Variants in HTR1F observed in about 807,000 individuals in gnomAD.
The protein encoded by HTR1F is 5-hydroxytryptamine receptor 1F, also known as 5-hydroxytryptamine (serotonin) receptor 1F, G protein-coupled.
In HTR1F, 17 loss-of-function variants were observed where a neutral mutation model predicts 24.0. The observed-to-expected ratio is 0.71, with a 90% CI of 0.48 to 1.06. HTR1F has a LOEUF of 1.06. HTR1F is among the 50% of genes least tolerant of loss of function. The pLI, the probability that HTR1F is intolerant of heterozygous loss-of-function variation, is 0.00. For synonymous variants in HTR1F, 186 were observed against 156.8 expected (o/e 1.19, Z -1.39); for missense variants, 391 against 427.8 (o/e 0.91, Z 0.76).
intron 2 of HTR1F, among the ~76,000 whole-genome samples, chr3:87,944,145 T>C (rs1704639403): frequency 1.3e-5 from 2 of 152,202 alleles, no homozygotes. Context: ...TCTGGGCTGC[T>C]GGATTCTAGT....
intron 2 of HTR1F, among the ~76,000 whole-genome samples, chr3:87,934,305 C>A (rs569021453): frequency 6.6e-6 from 1 of 152,296 alleles, no homozygotes; most frequent in East Asian, 1.9e-4. Context: ...TTGTAGCATA[C>A]ACTGTTGGTG....
At chr3:87,927,407 A>G (rs1365790573) in intron 2 of HTR1F, among the ~76,000 whole-genome samples, 2 of 152,180 alleles carry the variant, frequency 1.3e-5, no homozygotes, top group Non-Finnish European at 1.5e-5. Flanking sequence ...TCAGCAGTCC[A>G]TATTTTGAAT....
chr3:87,899,364 CCA>C (rs1350620638), intron 2 of HTR1F, among the ~76,000 whole-genome samples: 1 of 152,086 alleles, frequency 6.6e-6, no homozygotes, highest in Non-Finnish European at 1.5e-5. Context: ...TTAGAAATTC[CCA>C]CACTTTCCTA....
At chr3:87,817,136 T>C (rs1313687208) in intron 1 of HTR1F, among the ~76,000 whole-genome samples, 3 of 152,296 alleles carry the variant, frequency 2.0e-5, no homozygotes, top group Non-Finnish European at 1.5e-5. Context: ...GAAATGTTAC[T>C]GGATTTCCTA....
In HTR1F at chr3:87,865,074, G is replaced by T. The variant is rs74877092; in HGVS notation, c.-43+42950G>T. ...CAAAGATAAAATATAACTGTCATCTGCATGAAGGTTAGTCTAAGGGTTGAT... is the reference window on the plus strand; with the variant it reads ...CAAAGATAAAATATAACTGTCATCTTCATGAAGGTTAGTCTAAGGGTTGAT... On this transcript the variant is annotated intron_variant, in intron 2 of 2. Transcript: ENST00000319595. Among the ~76,000 whole-genome samples the T allele has an allele frequency of 5.3e-3, 808 of 152,112 alleles. 9 individuals carry two copies. Among genetic ancestry groups the T allele is most frequent in the African/African-American group, 0.019 (776 of 41,500 alleles).
intron 1 of HTR1F, among the ~76,000 whole-genome samples, chr3:87,803,518 C>A (rs1477968625): frequency 1.3e-5 from 2 of 152,086 alleles, no homozygotes; most frequent in African/African-American, 2.4e-5. Flanking sequence ...TGTAAGTAGA[C>A]AATTTCACTT....
chr3:87,969,624 G>T (rs577548510), intron 2 of HTR1F, among the ~76,000 whole-genome samples: 1 of 152,136 alleles, frequency 6.6e-6, no homozygotes, highest in Non-Finnish European at 1.5e-5. Context: ...GCTCACAGGC[G>T]GAAGGGACTT....
rs1704293075 is a variant in HTR1F at position 87,932,194 on chromosome 3, T to G, written c.-42-58514T>G. On this transcript the variant is annotated intron_variant, in intron 2 of 2. Coordinates refer to ENST00000319595, the MANE Select transcript of HTR1F (RefSeq NM_001322209.2). ...TGGTTTTAGGTCTAACATTTAAGTC[T>G]TTAATCCATCTTGAATTAATTTTTG... Among the ~76,000 whole-genome samples the G allele has an allele frequency of 2.0e-5, 3 of 152,210 alleles. No individual in the cohort carries two copies. The South Asian group carries it at 6.2e-4, about 31-fold the overall frequency.
intron 2 of HTR1F, among the ~76,000 whole-genome samples, chr3:87,843,321 T>C (rs1704850004): frequency 6.6e-6 from 1 of 151,892 alleles, no homozygotes; most frequent in Admixed American, 6.5e-5. Flanking sequence ...ATGATGTTAT[T>C]AAATATTTTA....
At chr3:87,889,853 T>G (rs1706040421) in intron 2 of HTR1F, among the ~76,000 whole-genome samples, 1 of 152,228 alleles carries the variant, frequency 6.6e-6, no homozygotes, top group Non-Finnish European at 1.5e-5. Flanking sequence ...TTAGACATGA[T>G]AGCTTTTGAG....
chr3:87,849,038 T>C (rs1296970387), intron 2 of HTR1F, among the ~76,000 whole-genome samples: 1 of 151,434 alleles, frequency 6.6e-6, no homozygotes, highest in East Asian at 1.9e-4. Context: ...CTGCCCAAGG[T>C]AATTTACAGA....
intron 2 of HTR1F, among the ~76,000 whole-genome samples, chr3:87,936,209 T>A (rs145173226): frequency 6.6e-6 from 1 of 152,314 alleles, no homozygotes; most frequent in South Asian, 2.1e-4. Flanking sequence ...CTCCAAATAA[T>A]ATATTTATAC....
chr3:87,851,702 A>C (rs376796750), intron 2 of HTR1F, among the ~76,000 whole-genome samples: 1 of 151,644 alleles, frequency 6.6e-6, no homozygotes, highest in Non-Finnish European at 1.5e-5. Context: ...CTGAACATCT[A>C]TCCTAATGAA....
intron 2 of HTR1F, among the ~76,000 whole-genome samples, chr3:87,942,433 TG>T (rs1704591651): frequency 6.6e-6 from 1 of 152,114 alleles, no homozygotes; most frequent in South Asian, 2.1e-4. Flanking sequence ...CCCGGGGCTC[TG>T]TGAGGGTGAC....
chr3:87,965,524 T>C lies in HTR1F; in HGVS notation c.-42-25184T>C, dbSNP rs1705146249. ...GCAAGATTTGAAAATGGCACATCAT[T>C]TCCTTTTGGACCTTCCATACAGTTA... On this transcript the variant is annotated intron_variant, in intron 2 of 2. Transcript: ENST00000319595. Among the ~76,000 whole-genome samples the C allele has an allele frequency of 3.3e-5, 5 of 152,174 alleles. No individual in the cohort carries two copies. In the South Asian group the frequency reaches 1.0e-3, roughly 32 times the overall value.
chr3:87,917,637 G>A (rs182887552), intron 2 of HTR1F, among the ~76,000 whole-genome samples: 13 of 151,810 alleles, frequency 8.6e-5, no homozygotes, highest in South Asian at 2.1e-4. Flanking sequence ...TTCTTGGAAA[G>A]ATACAACCTT....
chr3:87,925,648 C>A (rs1358545249), intron 2 of HTR1F, among the ~76,000 whole-genome samples: 1 of 152,138 alleles, frequency 6.6e-6, no homozygotes, highest in African/African-American at 2.4e-5. Context: ...GGAGAGTAAG[C>A]AGGACCCTGC....
chr3:87,879,062 A>AT (rs1705730427), intron 2 of HTR1F, among the ~76,000 whole-genome samples: 1 of 152,162 alleles, frequency 6.6e-6, no homozygotes, highest in Admixed American at 6.6e-5. Context: ...AATCATACAG[A>AT]ACTTTTTGAA....
chr3:87,986,185 T>C (rs1482233876), intron 2 of HTR1F, among the ~76,000 whole-genome samples: 1 of 152,064 alleles, frequency 6.6e-6, no homozygotes. Context: ...ACTTAAGATA[T>C]AAAGGAACAG....
Sources: allele counts gnomAD v4.1 joint callset (sites outside exome capture counted in the v4.1 genomes callset), GRCh38; gene constraint gnomAD v4.1.1; transcripts MANE v1.5; gene names NCBI Gene and HGNC (gene_info 2026-07-23, HGNC 2026-07-21).